Variants in LRIF1 observed in about 807,000 individuals in gnomAD.
LRIF1 encodes ligand-dependent nuclear receptor-interacting factor 1.
A neutral mutation model predicts 52.7 loss-of-function variants in LRIF1; 32 were observed. That is an observed-to-expected ratio of 0.61 (90% CI 0.46 to 0.82). The LOEUF (loss-of-function observed/expected upper bound fraction) is 0.82. Among genes scored for constraint, LRIF1 ranks in the 40% least tolerant of loss-of-function variants. The probability of loss-of-function intolerance (pLI) is 0.00; values close to 1 mark genes in which losing one functional copy is unlikely to be tolerated. For missense variants in LRIF1, 887 were observed against 892.0 expected, an observed-to-expected ratio of 0.99 and a Z score of 0.07; for synonymous variants, 323 against 317.4, an observed-to-expected ratio of 1.02 and a Z score of -0.19.
chr1:110,953,879 T>C (rs1440086190), intron 1 of LRIF1, among the ~76,000 whole-genome samples: 4 of 152,206 alleles, frequency 2.6e-5, no homozygotes, highest in Non-Finnish European at 4.4e-5. Flanking sequence ...CTTTCCTTCA[T>C]AATTAATCCA....
At chr1:110,896,033 C>G in the LRIF1 span, among the ~76,000 whole-genome samples, 3 of 152,014 alleles carry the variant, frequency 2.0e-5, no homozygotes, top group African/African-American at 7.3e-5. Flanking sequence ...CTTAACAAGG[C>G]CTATGTGTTT....
chr1:110,904,755 A>G, the LRIF1 span, among the ~76,000 whole-genome samples: 2 of 152,186 alleles, frequency 1.3e-5, no homozygotes, highest in Non-Finnish European at 2.9e-5. Flanking sequence ...ATTAGAATCA[A>G]CACCATCCAG....
the LRIF1 span, among the ~76,000 whole-genome samples, chr1:110,923,722 T>C: frequency 6.6e-6 from 1 of 152,130 alleles, no homozygotes; most frequent in African/African-American, 2.4e-5. Context: ...AGATAAAATG[T>C]AGGAGATGCA....
At chr1:110,892,843 G>T in the LRIF1 span, 1 of 239,954 alleles carries the variant, frequency 4.2e-6, no homozygotes, top group Non-Finnish European at 8.1e-6. Context: ...GAAATCAGGT[G>T]TCATCCATCT....
chr1:110,909,658 G>A, the LRIF1 span, among the ~76,000 whole-genome samples: 3 of 132,984 alleles, frequency 2.3e-5, no homozygotes, highest in Admixed American at 1.8e-4. Flanking sequence ...TCGGCTTACC[G>A]CAACCTCTGC....
rs530405209 is a variant in LRIF1, at chr1:110,952,095, T to C, written c.789A>G (p.Leu263=). Residue 263 remains leucine, a synonymous_variant, in exon 2 of 4, where the codon CTA becomes CTG. Coordinates refer to ENST00000369763, the MANE Select transcript of LRIF1 (RefSeq NM_018372.4). ...CATTCTTTGGAATTTGTGTGGTATT[T>C]AGTATTACTGGCTTTGCTATTTCTG... ...PVTEIAKPVI[L]NTTQIPKNVA... The C allele has an allele frequency of 5.0e-6, 8 of 1,614,218 alleles. No homozygotes were observed. In the South Asian group the frequency reaches 7.7e-5, roughly 16 times the overall value.
the LRIF1 span, among the ~76,000 whole-genome samples, chr1:110,920,218 A>G: frequency 1.3e-5 from 2 of 152,196 alleles, no homozygotes; most frequent in Non-Finnish European, 2.9e-5. Flanking sequence ...TTGAAAACCT[A>G]TGTTCATACA....
chr1:110,935,731 G>A, the LRIF1 span, among the ~76,000 whole-genome samples: 3 of 152,118 alleles, frequency 2.0e-5, no homozygotes, highest in Non-Finnish European at 4.4e-5. Flanking sequence ...AAATTTAAGA[G>A]TTATTGGCCT....
the LRIF1 span, chr1:110,892,636 T>A: frequency 2.1e-6 from 2 of 967,214 alleles, no homozygotes; most frequent in Non-Finnish European, 1.6e-6. Flanking sequence ...AGAAAGATCA[T>A]AGGAAAATGA....
At chr1:110,962,573 A>T (rs1377951452) in intron 1 of LRIF1, among the ~76,000 whole-genome samples, 1 of 150,896 alleles carries the variant, frequency 6.6e-6, no homozygotes, top group Non-Finnish European at 1.5e-5. Flanking sequence ...AATAGTTAAC[A>T]TTTAAATTGT....
chr1:110,942,605 T>A (rs940185321), downstream of LRIF1, among the ~76,000 whole-genome samples: 12 of 152,096 alleles, frequency 7.9e-5, no homozygotes, highest in African/African-American at 2.9e-4. Flanking sequence ...AATGGTCGGA[T>A]TCCAGGTATA....
the LRIF1 span, among the ~76,000 whole-genome samples, chr1:110,897,098 CT>C: frequency 6.6e-6 from 1 of 152,222 alleles, no homozygotes; most frequent in Admixed American, 6.5e-5. Context: ...CCCTCTCCCT[CT>C]TTCTCTGCTC....
the LRIF1 span, among the ~76,000 whole-genome samples, chr1:110,914,198 T>A: frequency 2.6e-5 from 4 of 152,068 alleles, no homozygotes; most frequent in Admixed American, 2.6e-4. Context: ...AAATGCCTAG[T>A]GAGTACTATG....
chr1:110,911,726 G>A, the LRIF1 span, among the ~76,000 whole-genome samples: 79 of 152,152 alleles, frequency 5.2e-4, no homozygotes, highest in Middle Eastern at 3.4e-3. Context: ...AATGTGATTC[G>A]TCGCATAAAC....
the LRIF1 span, among the ~76,000 whole-genome samples, chr1:110,888,005 G>A: frequency 5.3e-5 from 8 of 152,268 alleles, no homozygotes; most frequent in African/African-American, 1.9e-4. Flanking sequence ...TAAGAATGAA[G>A]CAGGAGATAA....
chr1:110,898,519 G>A, the LRIF1 span, among the ~76,000 whole-genome samples: 35 of 152,032 alleles, frequency 2.3e-4, no homozygotes, highest in South Asian at 5.2e-3. Context: ...TGAAAAATAC[G>A]AATTGATAAA....
chr1:110,880,752 C>G, the LRIF1 span, among the ~76,000 whole-genome samples: 1 of 152,088 alleles, frequency 6.6e-6, no homozygotes, highest in Non-Finnish European at 1.5e-5. Context: ...AGCATAGATC[C>G]TACCCTCAAG....
the LRIF1 span, among the ~76,000 whole-genome samples, chr1:110,924,566 G>A: frequency 2.6e-5 from 4 of 152,140 alleles, no homozygotes; most frequent in Non-Finnish European, 4.4e-5. Flanking sequence ...ACTCACTGTC[G>A]TGAGAACTCA....
chr1:110,884,235 T>C, the LRIF1 span, among the ~76,000 whole-genome samples: 14 of 152,152 alleles, frequency 9.2e-5, no homozygotes, highest in Non-Finnish European at 1.8e-4. Context: ...TTCAGAATTC[T>C]AATTTTCTCT....
Sources: gnomAD v4.1 joint callset for allele counts (sites outside exome capture counted in the v4.1 genomes callset) on GRCh38, gnomAD v4.1.1 for gene constraint, MANE v1.5 for transcripts, NCBI Gene and HGNC (gene_info 2026-07-23, HGNC 2026-07-21) for gene names.